The following EVI5 variants were observed in gnomAD, a reference collection of about 807,000 sequenced individuals.
EVI5 encodes the protein ecotropic viral integration site 5, also known as ecotropic viral integration site 5 protein homolog.
EVI5 carries 73 observed loss-of-function variants against 112.0 expected under a neutral mutation model. That is an observed-to-expected ratio of 0.65 (90% confidence interval 0.54 to 0.79). EVI5 has a LOEUF of 0.79. Ranked by LOEUF, EVI5 falls within the 30% of genes least tolerant of loss-of-function variation. EVI5 has a pLI of 0.00. For missense variants in EVI5, 900 were observed against 968.8 expected (o/e 0.93, Z 0.94); for synonymous variants, 305 against 319.9 (o/e 0.95, Z 0.50).
chr1:92,576,071 A>T (rs556772618), intron 18 of EVI5, among the ~76,000 whole-genome samples: 1 of 152,192 alleles, frequency 6.6e-6, no homozygotes, highest in African/African-American at 2.4e-5. Flanking sequence ...GGGTAAATCA[A>T]AGGATTAAGT....
intron 18 of EVI5, among the ~76,000 whole-genome samples, chr1:92,571,580 A>C (rs1670333146): frequency 6.6e-6 from 1 of 152,184 alleles, no homozygotes; most frequent in African/African-American, 2.4e-5. Context: ...TTAAAAGTTA[A>C]AACAGGGTAA....
At chr1:92,653,899 T>C (rs1405741510) in intron 13 of EVI5, among the ~76,000 whole-genome samples, 1 of 152,118 alleles carries the variant, frequency 6.6e-6, no homozygotes, top group Non-Finnish European at 1.5e-5. Flanking sequence ...TGTTCTGAGT[T>C]TGGGGACAGG....
At chr1:92,653,556 T>A (rs963322057) in intron 13 of EVI5, among the ~76,000 whole-genome samples, 3 of 152,220 alleles carry the variant, frequency 2.0e-5, no homozygotes, top group Non-Finnish European at 4.4e-5. Context: ...ACCCCACTGC[T>A]GTAGGCATAG....
At chr1:92,731,428 A>G (rs1676450314) in intron 2 of EVI5, among the ~76,000 whole-genome samples, 1 of 152,234 alleles carries the variant, frequency 6.6e-6, no homozygotes, top group Non-Finnish European at 1.5e-5. Flanking sequence ...GTTTACAAAA[A>G]CAATACCATT....
intron 1 of EVI5, among the ~76,000 whole-genome samples, chr1:92,777,313 G>A (rs1473089872): frequency 6.6e-6 from 1 of 152,130 alleles, no homozygotes; most frequent in Non-Finnish European, 1.5e-5. Flanking sequence ...AACATTTAAT[G>A]TACACATGGA....
chr1:92,562,287 T>C (rs1668753752), intron 19 of EVI5, among the ~76,000 whole-genome samples: 1 of 152,148 alleles, frequency 6.6e-6, no homozygotes, highest in South Asian at 2.1e-4. Flanking sequence ...CCCAGCACTT[T>C]GGGAGGCTGA....
chr1:92,598,161 A>T (rs575686512), intron 18 of EVI5, among the ~76,000 whole-genome samples: 1 of 152,118 alleles, frequency 6.6e-6, no homozygotes, highest in Non-Finnish European at 1.5e-5. Context: ...GTAATGAATA[A>T]GACAGATAAA....
chr1:92,567,508 C>T (rs1557804818), intron 18 of EVI5, among the ~76,000 whole-genome samples: 1 of 152,130 alleles, frequency 6.6e-6, no homozygotes, highest in Non-Finnish European at 1.5e-5. Flanking sequence ...TGTACCTCTT[C>T]TATGTTTAGA....
chr1:92,533,286 C>T (rs1356774476), intron 19 of EVI5, among the ~76,000 whole-genome samples: 3 of 152,082 alleles, frequency 2.0e-5, no homozygotes, highest in Non-Finnish European at 2.9e-5. Flanking sequence ...GAAATTGAGG[C>T]AGCAATTAAT....
At chr1:92,588,861 T>C (rs1230411732) in intron 18 of EVI5, among the ~76,000 whole-genome samples, 1 of 152,274 alleles carries the variant, frequency 6.6e-6, no homozygotes, top group Non-Finnish European at 1.5e-5. Flanking sequence ...AACTATTACA[T>C]ACAAATTATT....
At chr1:92,578,695 G>A (rs1341399147) in intron 18 of EVI5, among the ~76,000 whole-genome samples, 1 of 150,376 alleles carries the variant, frequency 6.6e-6, no homozygotes, top group Non-Finnish European at 1.5e-5. Flanking sequence ...TCCAGCCTGG[G>A]AGACAGAGCA....
chr1:92,517,885 CTT>C (rs35504849), intron 19 of EVI5, among the ~76,000 whole-genome samples: 6 of 102,246 alleles, frequency 5.9e-5, no homozygotes, highest in African/African-American at 3.9e-5. Context: ...ATATTATATG[CTT>C]TTTTTTTTTT....
At chr1:92,669,888 G>T (rs1194000037) in intron 10 of EVI5, among the ~76,000 whole-genome samples, 2 of 151,982 alleles carry the variant, frequency 1.3e-5, no homozygotes, top group African/African-American at 4.8e-5. Context: ...CAGAGAGGAA[G>T]ATACCTAGAT....
chr1:92,588,268 A>G (rs1673130816), intron 18 of EVI5, among the ~76,000 whole-genome samples: 1 of 152,192 alleles, frequency 6.6e-6, no homozygotes, highest in Non-Finnish European at 1.5e-5. Context: ...ATGATTTTCC[A>G]TCTGAGTCGG....
At chr1:92,716,804 C>A (rs962870782) in intron 2 of EVI5, among the ~76,000 whole-genome samples, 22 of 146,328 alleles carry the variant, frequency 1.5e-4, no homozygotes, top group African/African-American at 5.6e-4. Flanking sequence ...AAAACCATGG[C>A]ATGAGAACTA....
chr1:92,558,034 G>T (rs1461858553), intron 19 of EVI5, among the ~76,000 whole-genome samples: 4 of 152,088 alleles, frequency 2.6e-5, no homozygotes, highest in Admixed American at 2.6e-4. Context: ...CTCCGTGCCT[G>T]GCCAAAAAAT....
At chr1:92,675,694 C>A (rs1236678135) in intron 10 of EVI5, among the ~76,000 whole-genome samples, 2 of 152,156 alleles carry the variant, frequency 1.3e-5, no homozygotes, top group South Asian at 4.1e-4. Flanking sequence ...CGGTGGCTCA[C>A]GCCTGTAATC....
chr1:92,695,683 A>C (rs1391601560), intron 6 of EVI5, among the ~76,000 whole-genome samples: 8 of 152,176 alleles, frequency 5.3e-5, no homozygotes, highest in Non-Finnish European at 1.2e-4. Context: ...TTTATTAATA[A>C]AAAGAAACTG....
intron 19 of EVI5, among the ~76,000 whole-genome samples, chr1:92,558,030 G>T (rs1667951219): frequency 6.6e-6 from 1 of 152,126 alleles, no homozygotes; most frequent in South Asian, 2.1e-4. Flanking sequence ...GGGCCTCCGT[G>T]CCTGGCCAAA....
Sources: allele counts gnomAD v4.1 joint callset (sites outside exome capture counted in the v4.1 genomes callset), GRCh38; gene constraint gnomAD v4.1.1; transcripts MANE v1.5; gene names NCBI Gene and HGNC (gene_info 2026-07-23, HGNC 2026-07-21).